The following PLXDC2 variants were observed in gnomAD, a reference collection of about 807,000 sequenced individuals.
PLXDC2 encodes plexin domain-containing protein 2.
PLXDC2 carries 40 observed loss-of-function variants against 68.9 expected under a neutral mutation model. The observed-to-expected ratio is 0.58, with a 90% CI of 0.45 to 0.76. PLXDC2 has a LOEUF of 0.76. Among genes scored for constraint, PLXDC2 ranks in the 30% least tolerant of loss-of-function variants. PLXDC2 has a pLI of 0.00. For missense variants in PLXDC2, 644 were observed against 661.9 expected, an observed-to-expected ratio of 0.97 and a Z score of 0.30; for synonymous variants, 243 against 234.2, an observed-to-expected ratio of 1.04 and a Z score of -0.34.
intron 1 of PLXDC2, among the ~76,000 whole-genome samples, chr10:19,897,425 A>T (rs1409900670): frequency 6.6e-6 from 1 of 151,752 alleles, no homozygotes; most frequent in African/African-American, 2.4e-5. Flanking sequence ...TGTTTTTTTT[A>T]GTAGAGAGGG....
At chr10:20,163,532 T>A (rs549401402) in intron 6 of PLXDC2, among the ~76,000 whole-genome samples, 28 of 152,290 alleles carry the variant, frequency 1.8e-4, no homozygotes, top group African/African-American at 6.3e-4. Context: ...TATTATTTAA[T>A]GAATTGCCCA....
intron 12 of PLXDC2, among the ~76,000 whole-genome samples, chr10:20,241,938 A>G (rs1426299908): frequency 6.6e-6 from 1 of 152,112 alleles, no homozygotes; most frequent in Admixed American, 6.6e-5. Flanking sequence ...GGGTGGATAG[A>G]TGGATGCATG....
chr10:20,006,841 T>A (rs559129025), intron 2 of PLXDC2, among the ~76,000 whole-genome samples: 45 of 152,360 alleles, frequency 3.0e-4, no homozygotes, highest in African/African-American at 1.1e-3. Context: ...GCCAACTGTA[T>A]ATCCTGTTGA....
At chr10:19,902,656 T>C (rs1378494304) in intron 1 of PLXDC2, among the ~76,000 whole-genome samples, 1 of 152,196 alleles carries the variant, frequency 6.6e-6, no homozygotes, top group Admixed American at 6.5e-5. Context: ...TCTTTACCAA[T>C]TGGGATGCCC....
chr10:20,030,845 C>G (rs1362926396), intron 2 of PLXDC2, among the ~76,000 whole-genome samples: 1 of 152,140 alleles, frequency 6.6e-6, no homozygotes, highest in Non-Finnish European at 1.5e-5. Flanking sequence ...CCACTTGGCT[C>G]TATTTTAGAT....
At chr10:20,206,989 A>G (rs935729957) in intron 9 of PLXDC2, among the ~76,000 whole-genome samples, 2 of 152,100 alleles carry the variant, frequency 1.3e-5, no homozygotes, top group Non-Finnish European at 2.9e-5. Flanking sequence ...GGTTTATACA[A>G]CTGTCTCTCA....
chr10:19,958,815 T>TTTTTGTTTTGTTTTG (rs149765264), intron 1 of PLXDC2, among the ~76,000 whole-genome samples: 2 of 151,672 alleles, frequency 1.3e-5, no homozygotes, highest in Non-Finnish European at 2.9e-5. Context: ...TGTATGTAAG[T>TTTTTGTTTTGTTTTG]TTTTGTTTTG....
At chr10:20,051,237 G>A (rs548264110) in intron 3 of PLXDC2, among the ~76,000 whole-genome samples, 4 of 151,884 alleles carry the variant, frequency 2.6e-5, no homozygotes, top group African/African-American at 9.6e-5. Flanking sequence ...CTACTTAAGG[G>A]TGGATGGTAG....
chr10:20,041,049 A>G (rs1381379698), intron 2 of PLXDC2, among the ~76,000 whole-genome samples: 1 of 152,122 alleles, frequency 6.6e-6, no homozygotes, highest in African/African-American at 2.4e-5. Flanking sequence ...TTTTCCCTTT[A>G]CATAATTTTC....
chr10:20,001,732 A>C, intron 1 of PLXDC2, 43 bp from the exon 2 acceptor site: 1 of 1,568,544 alleles, frequency 6.4e-7, no homozygotes. Context: ...CATGTATGGT[A>C]CACATAATGA....
intron 13 of PLXDC2, among the ~76,000 whole-genome samples, chr10:20,251,134 A>G (rs1157772297): frequency 6.6e-6 from 1 of 152,150 alleles, no homozygotes; most frequent in Non-Finnish European, 1.5e-5. Flanking sequence ...TATTCAGTCA[A>G]GCAGAATAGC....
chr10:20,060,854 A>T (rs1836090486), intron 3 of PLXDC2, among the ~76,000 whole-genome samples: 1 of 152,214 alleles, frequency 6.6e-6, no homozygotes, highest in Non-Finnish European at 1.5e-5. Flanking sequence ...GTAGGAAATG[A>T]ATCACGTAGT....
At chr10:19,859,021 A>G (rs962254893) in intron 1 of PLXDC2, among the ~76,000 whole-genome samples, 18 of 128,734 alleles carry the variant, frequency 1.4e-4, no homozygotes, top group African/African-American at 6.3e-4. Context: ...AAAAGCAGCG[A>G]GAGAGAGAGA....
intron 1 of PLXDC2, among the ~76,000 whole-genome samples, chr10:19,908,855 T>C (rs908826192): frequency 1.3e-5 from 2 of 152,174 alleles, no homozygotes; most frequent in Admixed American, 6.5e-5. Flanking sequence ...GAAAGCTCTG[T>C]CCCTACAATG....
intron 6 of PLXDC2, among the ~76,000 whole-genome samples, chr10:20,161,858 C>T (rs1834296531): frequency 6.6e-6 from 1 of 151,754 alleles, no homozygotes; most frequent in Non-Finnish European, 1.5e-5. Context: ...ATGGGGAAAC[C>T]TCCTCTCTAC....
intron 9 of PLXDC2, among the ~76,000 whole-genome samples, chr10:20,204,466 A>G (rs1349994416): frequency 6.6e-6 from 1 of 152,088 alleles, no homozygotes; most frequent in African/African-American, 2.4e-5. Context: ...ATCATTTTTC[A>G]TACCTTTGCA....
At chr10:19,842,543 A>G (rs1244008452) in intron 1 of PLXDC2, among the ~76,000 whole-genome samples, 1 of 152,166 alleles carries the variant, frequency 6.6e-6, no homozygotes, top group Admixed American at 6.5e-5. Flanking sequence ...AACCTTGATC[A>G]TTTAACCACC....
rs998523463 is a variant in PLXDC2 at position 19,876,161 on chromosome 10, GA to G, written c.112+58978del. 2.0e-5 allele frequency among the ~76,000 whole-genome samples: 3 copies of G among 151,684 alleles called. No homozygotes were observed. The East Asian group carries it at 5.8e-4, about 29-fold the overall frequency. On this transcript the variant is annotated intron_variant, in intron 1 of 13. Coordinates refer to ENST00000377252, the MANE Select transcript of PLXDC2 (RefSeq NM_032812.9). The stretch of plus-strand genomic sequence containing the variant: ...GGGAGAGTAATAAAGGAACCAGAAG[GA>G]AAAAAAATAGGTCAGGAGGAAGGAT...
chr10:20,044,557 G>T (rs571382044), intron 2 of PLXDC2, among the ~76,000 whole-genome samples: 1 of 151,744 alleles, frequency 6.6e-6, no homozygotes, highest in East Asian at 2.0e-4. Context: ...TGATCCACCC[G>T]CCTCGGCCTC....
Sources: allele counts gnomAD v4.1 joint callset (sites outside exome capture counted in the v4.1 genomes callset), GRCh38; gene constraint gnomAD v4.1.1; transcripts MANE v1.5; gene names NCBI Gene and HGNC (gene_info 2026-07-23, HGNC 2026-07-21).